The following NSUN6 variants were observed in gnomAD, a reference collection of about 807,000 sequenced individuals.
The protein encoded by NSUN6 is NOP2/Sun RNA methyltransferase 6, also known as tRNA (cytosine(72)-C(5))-methyltransferase NSUN6.
In NSUN6, 64 loss-of-function variants were observed where a neutral mutation model predicts 58.0. The observed-to-expected ratio is 1.10, with a 90% CI of 0.90 to 1.36. NSUN6 has a LOEUF of 1.36. Ranked by LOEUF, NSUN6 falls within the 40% of genes most tolerant of loss-of-function variation. NSUN6 has a pLI of 0.00. For missense variants in NSUN6, 701 were observed against 550.1 expected (o/e 1.27, Z -2.74); for synonymous variants, 231 against 193.9 (o/e 1.19, Z -1.59).
At chr10:18,559,538 A>C (rs1209571024) in intron 8 of NSUN6, among the ~76,000 whole-genome samples, 1 of 149,374 alleles carries the variant, frequency 6.7e-6, no homozygotes, top group Non-Finnish European at 1.5e-5. Flanking sequence ...CAGAATGGAG[A>C]GTGGAGAATA....
intron 4 of NSUN6, among the ~76,000 whole-genome samples, chr10:18,615,506 G>T (rs1313165357): frequency 6.6e-6 from 1 of 152,070 alleles, no homozygotes; most frequent in Admixed American, 6.5e-5. Flanking sequence ...CTTTATATGT[G>T]TATCTTTTCA....
intron 3 of NSUN6, among the ~76,000 whole-genome samples, chr10:18,627,534 G>A (rs764880324): frequency 4.3e-4 from 65 of 152,278 alleles, no homozygotes; most frequent in Non-Finnish European, 7.8e-4. Flanking sequence ...CAGACAGTGG[G>A]CGCAGGTCAG....
chr10:18,565,728 CACA>C (rs1189731823), intron 8 of NSUN6, among the ~76,000 whole-genome samples: 1 of 149,916 alleles, frequency 6.7e-6, no homozygotes, highest in Non-Finnish European at 1.5e-5. Flanking sequence ...CTATTATATT[CACA>C]ACAATCTCCA....
At chr10:18,634,181 T>C (rs560147701) in intron 3 of NSUN6, among the ~76,000 whole-genome samples, 4 of 152,102 alleles carry the variant, frequency 2.6e-5, no homozygotes, top group Non-Finnish European at 5.9e-5. Flanking sequence ...AGGAAAAATA[T>C]TTCAAGTACC....
chr10:18,593,094 CAT>C (rs1484764759), intron 7 of NSUN6, among the ~76,000 whole-genome samples: 15 of 152,070 alleles, frequency 9.9e-5, no homozygotes, highest in African/African-American at 3.1e-4. Context: ...TGCCAATAAA[CAT>C]ATGAAAAAAA....
chr10:18,552,575 A>G lies in NSUN6; in HGVS notation c.923-604T>C, dbSNP rs1428238914. On this transcript the variant is annotated intron_variant, in intron 8 of 10. Transcript: ENST00000377304. The stretch of plus-strand genomic sequence containing the variant: ...GTGTGAAACCAAGTGGTCTGTTTAC[A>G]TATTTGGGCTGTCTACCTGCTACCA... 2.6e-5 allele frequency among the ~76,000 whole-genome samples: 4 copies of G among 151,906 alleles called. No individual in the cohort carries two copies. In the East Asian group the frequency reaches 5.8e-4, roughly 22 times the overall value.
chr10:18,555,045 A>G (rs140201325), intron 8 of NSUN6, among the ~76,000 whole-genome samples: 2 of 151,718 alleles, frequency 1.3e-5, no homozygotes, highest in Non-Finnish European at 2.9e-5. Flanking sequence ...GGAGAATGGA[A>G]TGGAATGGAG....
rs1345383813 is a variant in NSUN6, at chr10:18,550,598, G to A, written c.1071+1225C>T. Among the ~76,000 whole-genome samples, 3 of 152,096 alleles carry A rather than the reference G, an allele frequency of 2.0e-5. No homozygotes were observed. The East Asian group carries it at 5.8e-4, about 29-fold the overall frequency. ...TCTATCTGGGCTTCTGAAAGTGCTG[G>A]AGACAAGTTAAATTTGTACAGTTTT... is the stretch of plus-strand genomic sequence containing the variant. On this transcript the variant is annotated intron_variant, in intron 9 of 10. Transcript: ENST00000377304.
Position 18,546,083 on chromosome 10 carries a change from C to G in NSUN6, c.1260G>C (p.Gln420His). Residue 420 changes from glutamine (Q) to histidine (H), a missense_variant, in exon 11 of 11, where the codon CAG becomes CAC. Coordinates refer to ENST00000377304, the MANE Select transcript of NSUN6 (RefSeq NM_182543.5). ...GAGLSCEQLK[Q>H]LQRFDPSAVP... The stretch of plus-strand genomic sequence containing the variant: ...CAGCCGATGGATCAAATCGCTGCAG[C>G]TGTTTCAACTGTTCACATGAGAGCC... 1 of 1,610,418 alleles carries G rather than the reference C, an allele frequency of 6.2e-7. No individual in the cohort carries two copies. The highest frequency in any genetic ancestry group is 8.5e-7 in the Non-Finnish European group (1 of 1,178,632).
rs548762386 is a variant in NSUN6 at position 18,582,923 on chromosome 10, T to C, written c.922+3026A>G. Among the ~76,000 whole-genome samples the C allele has an allele frequency of 3.9e-5, 6 of 152,130 alleles. No individual in the cohort carries two copies. In the South Asian group the frequency reaches 6.2e-4, roughly 16 times the overall value. ...ACAACAAGCCTGGGGAGGAGGTGAA[T>C]TAGCATTCAAGTTGTTACGATGTAT... On this transcript the variant is annotated intron_variant, in intron 8 of 10. Coordinates refer to ENST00000377304, the MANE Select transcript of NSUN6 (RefSeq NM_182543.5).
intron 6 of NSUN6, among the ~76,000 whole-genome samples, chr10:18,603,639 TTGTG>T (rs1451601004): frequency 2.6e-5 from 4 of 151,624 alleles, no homozygotes; most frequent in Admixed American, 6.6e-5. Context: ...CCAGCTGATT[TTGTG>T]TGTGTGTATT....
intron 3 of NSUN6, among the ~76,000 whole-genome samples, chr10:18,635,758 A>G (rs2059192032): frequency 6.6e-6 from 1 of 151,654 alleles, no homozygotes. Flanking sequence ...GAACCACTTG[A>G]ACCCGGGAGG....
chr10:18,612,831 C>T (rs1427094907), intron 5 of NSUN6, among the ~76,000 whole-genome samples: 3 of 152,120 alleles, frequency 2.0e-5, no homozygotes, highest in Admixed American at 6.6e-5. Context: ...TACAAGATTG[C>T]GTATGTTAAC....
chr10:18,591,537 T>G (rs2057376315), intron 7 of NSUN6, among the ~76,000 whole-genome samples: 1 of 152,162 alleles, frequency 6.6e-6, no homozygotes, highest in South Asian at 2.1e-4. Context: ...TCAAGTCAGC[T>G]TCATCCCGGG....
intron 8 of NSUN6, among the ~76,000 whole-genome samples, chr10:18,578,664 T>C (rs778233144): frequency 5.9e-5 from 9 of 152,176 alleles, no homozygotes; most frequent in Non-Finnish European, 1.0e-4. Flanking sequence ...TTCTCTCTAC[T>C]GAAATACCTT....
At chr10:18,587,049 T>C (rs1433538651) in intron 7 of NSUN6, among the ~76,000 whole-genome samples, 1 of 152,206 alleles carries the variant, frequency 6.6e-6, no homozygotes, top group Non-Finnish European at 1.5e-5. Flanking sequence ...ACTTATGGCT[T>C]TCCATTAAGA....
At chr10:18,570,061 A>G (rs2056248203) in intron 8 of NSUN6, among the ~76,000 whole-genome samples, 1 of 147,518 alleles carries the variant, frequency 6.8e-6, no homozygotes, top group Non-Finnish European at 1.5e-5. Context: ...TTCTATTTGC[A>G]TTCCATTCCA....
chr10:18,579,576 G>A (rs2056815665), intron 8 of NSUN6, among the ~76,000 whole-genome samples: 1 of 152,160 alleles, frequency 6.6e-6, no homozygotes, highest in African/African-American at 2.4e-5. Context: ...TTTTACCAAG[G>A]TTAAGAATGC....
chr10:18,643,552 T>C (rs2059450114), intron 2 of NSUN6, among the ~76,000 whole-genome samples: 3 of 152,140 alleles, frequency 2.0e-5, no homozygotes, highest in South Asian at 2.1e-4. Context: ...ATTTTAGAAA[T>C]AAAACTTCAT....
Sources: gnomAD v4.1 joint callset for allele counts (sites outside exome capture counted in the v4.1 genomes callset) on GRCh38, gnomAD v4.1.1 for gene constraint, MANE v1.5 for transcripts, NCBI Gene and HGNC (gene_info 2026-07-23, HGNC 2026-07-21) for gene names.